The following ZNF704 variants were observed in gnomAD, a reference collection of about 807,000 sequenced individuals.
The protein encoded by ZNF704 is zinc finger protein 704, also known as glucocorticoid induced gene 1.
In ZNF704, 10 loss-of-function variants were observed where a neutral mutation model predicts 44.7. That is an observed-to-expected ratio of 0.22 (90% confidence interval 0.14 to 0.38). ZNF704 has a LOEUF of 0.38. Ranked by LOEUF, ZNF704 falls within the 10% of genes least tolerant of loss-of-function variation. The pLI is 1.00. For synonymous variants in ZNF704, 211 were observed against 207.6 expected (o/e 1.02, Z -0.14); for missense variants, 390 against 545.5 (o/e 0.71, Z 2.84).
chr8:80,667,454 TG>T (rs1818213323), intron 5 of ZNF704, among the ~76,000 whole-genome samples: 1 of 152,206 alleles, frequency 6.6e-6, no homozygotes, highest in South Asian at 2.1e-4. Context: ...CGTTAAGTCC[TG>T]GGTGTATTCT....
intron 2 of ZNF704, among the ~76,000 whole-genome samples, chr8:80,716,799 G>A (rs1383160917): frequency 6.6e-6 from 1 of 152,190 alleles, no homozygotes; most frequent in African/African-American, 2.4e-5. Flanking sequence ...TTCAGACTGG[G>A]ATTATACTAT....
At chr8:80,776,004 C>A (rs976030408) in intron 2 of ZNF704, among the ~76,000 whole-genome samples, 4 of 152,140 alleles carry the variant, frequency 2.6e-5, no homozygotes, top group African/African-American at 9.7e-5. Context: ...AAACTTCGCA[C>A]TTCAAAATAA....
chr8:80,735,626 T>C (rs1049585135), intron 2 of ZNF704, among the ~76,000 whole-genome samples: 2 of 152,204 alleles, frequency 1.3e-5, no homozygotes, highest in Non-Finnish European at 2.9e-5. Context: ...TTTTGGTAAA[T>C]GAGCTGCCCA....
intron 1 of ZNF704, among the ~76,000 whole-genome samples, chr8:80,836,566 T>A (rs970739580): frequency 2.6e-5 from 4 of 152,100 alleles, no homozygotes; most frequent in African/African-American, 9.7e-5. Context: ...TCACTTGAGC[T>A]CAAGAGTCAA....
At chr8:80,772,488 T>C (rs1807337520) in intron 2 of ZNF704, among the ~76,000 whole-genome samples, 1 of 152,052 alleles carries the variant, frequency 6.6e-6, no homozygotes, top group Non-Finnish European at 1.5e-5. Context: ...CAGGCACATC[T>C]TACATGGCCG....
intron 2 of ZNF704, among the ~76,000 whole-genome samples, chr8:80,777,595 T>C (rs1340029986): frequency 2.6e-5 from 4 of 152,220 alleles, no homozygotes; most frequent in African/African-American, 9.6e-5. Flanking sequence ...AAGTAACCCA[T>C]GGGCCAGGCA....
At chr8:80,648,328 C>T (rs549774348) in intron 7 of ZNF704, among the ~76,000 whole-genome samples, 4 of 152,276 alleles carry the variant, frequency 2.6e-5, no homozygotes, top group South Asian at 2.1e-4. Context: ...ACATGCATTT[C>T]GAGGACCCAC....
intron 2 of ZNF704, among the ~76,000 whole-genome samples, chr8:80,797,951 G>T (rs1219415115): frequency 3.9e-5 from 6 of 152,084 alleles, no homozygotes; most frequent in African/African-American, 1.2e-4. Context: ...CCCTCTCACA[G>T]CTTAATGTAA....
intron 2 of ZNF704, among the ~76,000 whole-genome samples, chr8:80,736,532 C>G (rs901872114): frequency 6.6e-6 from 1 of 152,178 alleles, no homozygotes; most frequent in Non-Finnish European, 1.5e-5. Context: ...CCCGCCTAAG[C>G]CTCCCAAAGT....
At chr8:80,648,301 T>C (rs1000881722) in intron 7 of ZNF704, among the ~76,000 whole-genome samples, 1 of 152,216 alleles carries the variant, frequency 6.6e-6, no homozygotes, top group Non-Finnish European at 1.5e-5. Flanking sequence ...ATGGCTCTCT[T>C]AACTCTGGAG....
At chr8:80,653,462 TC>T (rs1817956851) in intron 7 of ZNF704, among the ~76,000 whole-genome samples, 1 of 152,196 alleles carries the variant, frequency 6.6e-6, no homozygotes, top group Admixed American at 6.5e-5. Context: ...ATAAGTAACT[TC>T]AGCAAAGTCT....
intron 4 of ZNF704, among the ~76,000 whole-genome samples, chr8:80,673,876 C>T (rs558374214): frequency 2.0e-5 from 3 of 152,334 alleles, no homozygotes; most frequent in South Asian, 4.1e-4. Flanking sequence ...ACATGGGCTT[C>T]GTGAGCCCAG....
chr8:80,781,213 C>T (rs1380169752), intron 2 of ZNF704, among the ~76,000 whole-genome samples: 1 of 151,958 alleles, frequency 6.6e-6, no homozygotes, highest in East Asian at 1.9e-4. Flanking sequence ...AGGTGGGGCT[C>T]AAAAATCCAC....
chr8:80,877,368 A>G (rs769466708), upstream of ZNF704, among the ~76,000 whole-genome samples: 1 of 152,188 alleles, frequency 6.6e-6, no homozygotes, highest in Non-Finnish European at 1.5e-5. Context: ...CCCTCATTAA[A>G]TCAGAGGACA....
chr8:80,875,357 T>G (rs924629754), upstream of ZNF704, among the ~76,000 whole-genome samples: 1 of 152,152 alleles, frequency 6.6e-6, no homozygotes, highest in Non-Finnish European at 1.5e-5. Context: ...AAGGCTGGAG[T>G]GCAATGTCAT....
At chr8:80,656,429 A>G (rs1477512807) in intron 7 of ZNF704, among the ~76,000 whole-genome samples, 1 of 152,226 alleles carries the variant, frequency 6.6e-6, no homozygotes, top group African/African-American at 2.4e-5. Flanking sequence ...GAAAAGAGAG[A>G]GAAAGAAATG....
chr8:80,658,383 CA>C (rs35320697), intron 7 of ZNF704, among the ~76,000 whole-genome samples: 15,708 of 136,266 alleles, frequency 0.12, 1,153 homozygotes, highest in African/African-American at 0.23. Context: ...TTATGTCTAC[CA>C]AAAAAAAAAA....
intron 1 of ZNF704, among the ~76,000 whole-genome samples, chr8:80,841,679 T>C (rs1808682039): frequency 6.6e-6 from 1 of 152,232 alleles, no homozygotes; most frequent in Non-Finnish European, 1.5e-5. Context: ...AGTAGATAGC[T>C]ACCCCTCTGG....
chr8:80,758,072 G>A (rs1389700476), intron 2 of ZNF704, among the ~76,000 whole-genome samples: 1 of 152,180 alleles, frequency 6.6e-6, no homozygotes, highest in East Asian at 1.9e-4. Context: ...CTATGGTGTT[G>A]TATTATAGCT....
Sources: allele counts gnomAD v4.1 joint callset (sites outside exome capture counted in the v4.1 genomes callset), GRCh38; gene constraint gnomAD v4.1.1; transcripts MANE v1.5; gene names NCBI Gene and HGNC (gene_info 2026-07-23, HGNC 2026-07-21).